The following GAB2 variants were observed in gnomAD, a reference collection of about 807,000 sequenced individuals.
GAB2 encodes the protein GRB2 associated binding protein 2, also known as GRB2-associated-binding protein 2.
GAB2 carries 26 observed loss-of-function variants against 65.5 expected under a neutral mutation model. The observed-to-expected ratio is 0.40, with a 90% CI of 0.29 to 0.55. The LOEUF (loss-of-function observed/expected upper bound fraction) is 0.55, where lower values mean the gene tolerates loss of function less well. Ranked by LOEUF, GAB2 falls within the 20% of genes least tolerant of loss-of-function variation. GAB2 has a pLI of 0.53. For synonymous variants in GAB2, 321 were observed against 329.6 expected (o/e 0.97, Z 0.28); for missense variants, 884 against 875.8 (o/e 1.01, Z -0.12).
At position 78,280,857 on chromosome 11, in the gene GAB2, G is replaced by A. The variant is rs144715208; in HGVS notation, c.120C>T (p.Ser40=). ...AGTATTCCAGAACATCTGGGTCACC[G>A]CTCATCCGGCCACTCCGCAGGATAA... ...RWFILRSGRM[S]GDPDVLEYYK... is the part of the protein sequence containing the mutation. The change falls in exon 2 of 10, where the codon AGC becomes AGT. Residue 40 remains serine, a synonymous_variant. Coordinates refer to ENST00000361507, the MANE Select transcript of GAB2 (RefSeq NM_080491.3). 6.6e-5 allele frequency: 106 copies of A among 1,613,992 alleles called. No individual in the cohort carries two copies. In the East Asian group the frequency reaches 7.4e-4, roughly 11 times the overall value.
Position 78,226,623 on chromosome 11 carries a change from G to T in GAB2, c.1049C>A (p.Ala350Asp), listed in dbSNP as rs774693377. The T allele has an allele frequency of 1.5e-5, 24 of 1,613,396 alleles. No homozygotes were observed. The highest frequency in any genetic ancestry group is 2.7e-5 in the African/African-American group (2 of 74,864). Residue 350 changes from alanine to aspartate, a missense_variant, in exon 4 of 10, where the codon GCT becomes GAT. By Grantham distance (126) the Ala-to-Asp change is moderately radical (BLOSUM62 -2). Coordinates refer to ENST00000361507, the MANE Select transcript of GAB2 (RefSeq NM_080491.3). ...TVATPGDSAIAPPPRPPKPSQ... is the reference protein window; with the variant it reads ...TVATPGDSAIDPPPRPPKPSQ... The stretch of plus-strand genomic sequence containing the variant: ...TGGCTTGGGGGGGCGGGGTGGGGGA[G>T]CTATGGCTGAGTCCCCAGGAGTGGC...
At chr11:78,293,655 G>C (rs1351746939) in intron 1 of GAB2, among the ~76,000 whole-genome samples, 5 of 152,114 alleles carry the variant, frequency 3.3e-5, no homozygotes, top group African/African-American at 9.7e-5. Context: ...GATCAGTTTA[G>C]CGACAAGCGT....
intron 1 of GAB2, among the ~76,000 whole-genome samples, chr11:78,398,194 T>C (rs148814944): frequency 7.2e-5 from 11 of 152,316 alleles, no homozygotes; most frequent in Non-Finnish European, 1.6e-4. Context: ...GTTCTTCCAA[T>C]GCACACTAAG....
At chr11:78,306,112 G>T (rs1855351329) in intron 1 of GAB2, among the ~76,000 whole-genome samples, 1 of 152,152 alleles carries the variant, frequency 6.6e-6, no homozygotes, top group African/African-American at 2.4e-5. Flanking sequence ...CTTTATCTTT[G>T]TTAGAACCTT....
intron 1 of GAB2, among the ~76,000 whole-genome samples, chr11:78,300,926 C>G (rs917825576): frequency 8.5e-5 from 13 of 152,186 alleles, no homozygotes; most frequent in Middle Eastern, 6.8e-3. Context: ...AACTCCTGAC[C>G]TCAAGTAATC....
intron 3 of GAB2, among the ~76,000 whole-genome samples, chr11:78,228,906 C>CT (rs944268565): frequency 4.6e-5 from 7 of 152,178 alleles, no homozygotes; most frequent in East Asian, 1.9e-4. Flanking sequence ...TTTCATTTTG[C>CT]TTTTTTTGGA....
At chr11:78,237,819 C>T (rs1212262796) in intron 3 of GAB2, among the ~76,000 whole-genome samples, 6 of 152,092 alleles carry the variant, frequency 3.9e-5, no homozygotes, top group African/African-American at 1.4e-4. Flanking sequence ...AAATGTGGTA[C>T]CTATATACCA....
chr11:78,320,059 A>G (rs1040175661), intron 1 of GAB2, among the ~76,000 whole-genome samples: 4 of 152,076 alleles, frequency 2.6e-5, no homozygotes, highest in African/African-American at 9.7e-5. Flanking sequence ...ATTTTTGTGG[A>G]GATGGGGTTT....
intron 1 of GAB2, among the ~76,000 whole-genome samples, chr11:78,294,960 G>A (rs912006039): frequency 6.6e-6 from 1 of 152,098 alleles, no homozygotes; most frequent in Admixed American, 6.6e-5. Context: ...GCAACCTACA[G>A]AATGGGAGAA....
intron 2 of GAB2, among the ~76,000 whole-genome samples, chr11:78,266,561 A>G (rs1366796959): frequency 6.6e-6 from 1 of 152,244 alleles, no homozygotes; most frequent in Non-Finnish European, 1.5e-5. Flanking sequence ...CAAATTCAGA[A>G]TTAAAAAATT....
Position 78,383,581 on chromosome 11 carries a change from C to CAA in GAB2, c.75+34063_75+34064dup, listed in dbSNP as rs534814220. On this transcript the variant is annotated intron_variant, in intron 1 of 9. Coordinates refer to ENST00000361507, the MANE Select transcript of GAB2 (RefSeq NM_080491.3). ...GCAACATGGCAAAACCCTGTCTCTC[C>CAA]AAAAAAAAAAAAAAAAAAATACAAA... Among the ~76,000 whole-genome samples, 52 of 55,552 alleles carry CAA rather than the reference C, an allele frequency of 9.4e-4. 4 individuals are homozygous for CAA. Among genetic ancestry groups the CAA allele is most frequent in the East Asian group, 8.2e-3 (14 of 1,704 alleles). The allele number at this position is 55,552 out of a possible 152,430, so 36.4% of individuals were successfully genotyped here.
At chr11:78,384,705 C>T (rs975960499) in intron 1 of GAB2, among the ~76,000 whole-genome samples, 7 of 152,076 alleles carry the variant, frequency 4.6e-5, no homozygotes, top group African/African-American at 7.2e-5. Context: ...CAGCAGAGCT[C>T]GAACCAATGG....
intron 1 of GAB2, among the ~76,000 whole-genome samples, chr11:78,411,372 A>C (rs1255457600): frequency 6.6e-6 from 1 of 152,184 alleles, no homozygotes; most frequent in Non-Finnish European, 1.5e-5. Flanking sequence ...ATTTGTATTG[A>C]AAGGTAAAGA....
At chr11:78,346,272 C>T (rs1374793767) in intron 1 of GAB2, among the ~76,000 whole-genome samples, 1 of 152,120 alleles carries the variant, frequency 6.6e-6, no homozygotes, top group Admixed American at 6.5e-5. Context: ...ATATTCAAAA[C>T]ATACCCTTTA....
intron 3 of GAB2, among the ~76,000 whole-genome samples, chr11:78,227,909 G>T (rs745750972): frequency 5.9e-5 from 9 of 152,286 alleles, no homozygotes; most frequent in Admixed American, 4.6e-4. Flanking sequence ...TGAGGGGAAA[G>T]ATCTCTTTCC....
intron 1 of GAB2, among the ~76,000 whole-genome samples, chr11:78,329,479 G>C (rs568085730): frequency 1.3e-5 from 2 of 152,202 alleles, no homozygotes; most frequent in South Asian, 4.2e-4. Context: ...AGACCATCAT[G>C]AACTCCTTGA....
At chr11:78,271,732 C>T (rs1022510011) in intron 2 of GAB2, among the ~76,000 whole-genome samples, 5 of 152,180 alleles carry the variant, frequency 3.3e-5, no homozygotes, top group Non-Finnish European at 5.9e-5. Flanking sequence ...GTGGTTCATA[C>T]TTGTAATCCC....
intron 1 of GAB2, among the ~76,000 whole-genome samples, chr11:78,342,472 C>A (rs922193224): frequency 1.4e-5 from 2 of 145,680 alleles, no homozygotes; most frequent in Non-Finnish European, 3.0e-5. Context: ...TGCAGTGGCA[C>A]ATCTCGGCTC....
chr11:78,415,914 G>A (rs1376918931), intron 1 of GAB2, among the ~76,000 whole-genome samples: 1 of 144,940 alleles, frequency 6.9e-6, no homozygotes, highest in African/African-American at 2.6e-5. Flanking sequence ...AGTGTATAGT[G>A]TTCAAACTTG....
Sources: gnomAD v4.1 joint callset for allele counts (sites outside exome capture counted in the v4.1 genomes callset) on GRCh38, gnomAD v4.1.1 for gene constraint, MANE v1.5 for transcripts, NCBI Gene and HGNC (gene_info 2026-07-23, HGNC 2026-07-21) for gene names.